CDK17: variants seen among roughly 807,000 people sequenced by gnomAD.
CDK17 encodes the protein cyclin-dependent kinase 17.
Under a neutral mutation model 77.6 loss-of-function variants are expected in CDK17, and 24 were observed. The ratio of observed to expected loss-of-function variants is 0.31; its 90% CI spans 0.22 to 0.44. The LOEUF (loss-of-function observed/expected upper bound fraction) is 0.44, where lower values mean the gene tolerates loss of function less well. CDK17 is among the 20% of genes least tolerant of loss of function. CDK17 has a pLI of 1.00. For synonymous variants in CDK17, 203 were observed against 210.4 expected, an observed-to-expected ratio of 0.96 and a Z score of 0.30; for missense variants, 429 against 622.5, an observed-to-expected ratio of 0.69 and a Z score of 3.31.
intron 1 of CDK17, chr12:96,335,262 CAG>C (rs1177811379): frequency 1.7e-5 from 5 of 302,428 alleles, no homozygotes; most frequent in Admixed American, 4.8e-5. Flanking sequence ...TCAGATATAA[CAG>C]GGAGGCGGGT....
intron 1 of CDK17, among the ~76,000 whole-genome samples, chr12:96,362,337 G>GCCT (rs1305679289): frequency 1.3e-5 from 2 of 152,014 alleles, no homozygotes; most frequent in Non-Finnish European, 2.9e-5. Context: ...TCCTGCCTCA[G>GCCT]CCTCCTGAGT....
At chr12:96,327,051 A>T (rs1401161368) in intron 2 of CDK17, among the ~76,000 whole-genome samples, 3 of 152,232 alleles carry the variant, frequency 2.0e-5, no homozygotes, top group African/African-American at 7.2e-5. Flanking sequence ...ATCTATTGTC[A>T]TGATGAAACA....
At chr12:96,283,291 C>T (rs1952200030) in intron 14 of CDK17, among the ~76,000 whole-genome samples, 1 of 152,064 alleles carries the variant, frequency 6.6e-6, no homozygotes. Context: ...AGAGCATCCT[C>T]CAAAGGCTGT....
intron 2 of CDK17, among the ~76,000 whole-genome samples, chr12:96,327,467 C>G (rs910287425): frequency 6.6e-6 from 1 of 152,134 alleles, no homozygotes; most frequent in Non-Finnish European, 1.5e-5. Flanking sequence ...CCAGCAGACA[C>G]GACTGCTAAA....
chr12:96,308,751 A>ATAATAATAATAATAG (rs1555200771), intron 5 of CDK17, among the ~76,000 whole-genome samples: 7,312 of 147,694 alleles, frequency 0.05, 292 homozygotes, highest in South Asian at 0.14. Context: ...AATAATAATA[A>ATAATAATAATAATAG]TAATAATAAT....
chr12:96,394,290 C>T (rs183114735), intron 1 of CDK17, among the ~76,000 whole-genome samples: 132 of 151,866 alleles, frequency 8.7e-4, no homozygotes, highest in Admixed American at 3.6e-3. Context: ...ACGTTGTTTA[C>T]ATTATTGAAT....
chr12:96,362,021 T>C (rs140126376), intron 1 of CDK17, among the ~76,000 whole-genome samples: 29 of 152,354 alleles, frequency 1.9e-4, no homozygotes, highest in African/African-American at 6.7e-4. Flanking sequence ...TCTGTAATAG[T>C]TGACTTTTTA....
chr12:96,290,527 A>G (rs1192192343), intron 10 of CDK17, among the ~76,000 whole-genome samples: 1 of 152,246 alleles, frequency 6.6e-6, no homozygotes. Flanking sequence ...TCAGTTCAGT[A>G]TAATGGTGAA....
intron 5 of CDK17, among the ~76,000 whole-genome samples, chr12:96,302,295 T>C (rs959891552): frequency 6.6e-6 from 1 of 152,068 alleles, no homozygotes; most frequent in African/African-American, 2.4e-5. Flanking sequence ...GACAGTCTGA[T>C]TACGAATAAT....
At chr12:96,325,004 AAAAAT>A (rs1952874552) in intron 2 of CDK17, among the ~76,000 whole-genome samples, 1 of 152,184 alleles carries the variant, frequency 6.6e-6, no homozygotes, top group African/African-American at 2.4e-5. Context: ...GAAACATTAA[AAAAAT>A]ATAATACTTA....
intron 2 of CDK17, among the ~76,000 whole-genome samples, chr12:96,328,250 T>C (rs1048631139): frequency 6.6e-5 from 10 of 152,138 alleles, no homozygotes; most frequent in Non-Finnish European, 1.0e-4. Context: ...GACCATCTAG[T>C]TGTAGGAAGA....
chr12:96,353,430 T>C (rs1214980465), intron 1 of CDK17, among the ~76,000 whole-genome samples: 1 of 152,182 alleles, frequency 6.6e-6, no homozygotes, highest in African/African-American at 2.4e-5. Flanking sequence ...TTAATAAAAT[T>C]AATACATTTT....
At chr12:96,364,760 A>G (rs541067646) in intron 1 of CDK17, among the ~76,000 whole-genome samples, 26 of 152,314 alleles carry the variant, frequency 1.7e-4, no homozygotes, top group Non-Finnish European at 2.9e-4. Flanking sequence ...ATTTTTCTCT[A>G]TGTTTCACAA....
chr12:96,336,297 T>C (rs1953039969), intron 1 of CDK17, among the ~76,000 whole-genome samples: 1 of 151,938 alleles, frequency 6.6e-6, no homozygotes, highest in Non-Finnish European at 1.5e-5. Flanking sequence ...TTGTCTCTAC[T>C]GAAAAAAACA....
At position 96,354,787 on chromosome 12, in the gene CDK17, G is replaced by A. The variant is rs759845946; in HGVS notation, c.-29-19922C>T. Among the ~76,000 whole-genome samples, 4 of 152,236 alleles carry A rather than the reference G, an allele frequency of 2.6e-5. No individual in the cohort carries two copies. In the South Asian group the frequency reaches 8.3e-4, roughly 32 times the overall value. Reference sequence around the variant, plus strand: ...AAGTTCCAGCTACTCAGGAGGCTGAGACAGGAGGATTACTTGAGCCCAGAA... The same window carrying A: ...AAGTTCCAGCTACTCAGGAGGCTGAAACAGGAGGATTACTTGAGCCCAGAA... On this transcript the variant is annotated intron_variant, in intron 1 of 16. Transcript: ENST00000261211.
At chr12:96,385,084 C>T (rs1311488812) in intron 1 of CDK17, among the ~76,000 whole-genome samples, 3 of 149,628 alleles carry the variant, frequency 2.0e-5, no homozygotes, top group Non-Finnish European at 4.4e-5. Flanking sequence ...GAGGCCTAGG[C>T]GGGCAGATCA....
chr12:96,379,741 T>A (rs1953845810), intron 1 of CDK17, among the ~76,000 whole-genome samples: 1 of 152,188 alleles, frequency 6.6e-6, no homozygotes, highest in African/African-American at 2.4e-5. Flanking sequence ...GTAAATCTAC[T>A]ATTTATATCT....
intron 3 of CDK17, among the ~76,000 whole-genome samples, chr12:96,317,279 C>T (rs1384168811): frequency 2.1e-5 from 3 of 141,740 alleles, no homozygotes; most frequent in Non-Finnish European, 4.6e-5. Context: ...GCAAAGCCTC[C>T]AAGAAATATG....
chr12:96,331,954 C>T (rs1462259664), intron 2 of CDK17, among the ~76,000 whole-genome samples: 3 of 152,154 alleles, frequency 2.0e-5, no homozygotes, highest in Non-Finnish European at 2.9e-5. Context: ...CAGACAATGA[C>T]AGACATCATA....
Sources: allele counts gnomAD v4.1 joint callset (sites outside exome capture counted in the v4.1 genomes callset), GRCh38; gene constraint gnomAD v4.1.1; transcripts MANE v1.5; gene names NCBI Gene and HGNC (gene_info 2026-07-23, HGNC 2026-07-21).